The following STIM1 variants were observed in gnomAD, a reference collection of about 807,000 sequenced individuals.
STIM1 encodes the protein stromal interaction molecule 1.
STIM1 carries 25 observed loss-of-function variants against 74.7 expected under a neutral mutation model. The ratio of observed to expected loss-of-function variants is 0.33; its 90% confidence interval spans 0.24 to 0.47. STIM1 has a LOEUF of 0.47. Among genes scored for constraint, STIM1 ranks in the 20% least tolerant of loss-of-function variants. The pLI is 1.00. For synonymous variants in STIM1, 328 were observed against 348.8 expected, an observed-to-expected ratio of 0.94 and a Z score of 0.66; for missense variants, 728 against 920.8, an observed-to-expected ratio of 0.79 and a Z score of 2.71.
intron 5 of STIM1, among the ~76,000 whole-genome samples, chr11:4,067,299 C>G (rs1263614388): frequency 4.6e-5 from 7 of 152,140 alleles, no homozygotes; most frequent in Admixed American, 4.6e-4. Context: ...CTTGGTAGCA[C>G]AAGAATTTCT....
At chr11:3,901,575 G>A (rs1228947195) in intron 1 of STIM1, among the ~76,000 whole-genome samples, 1 of 151,460 alleles carries the variant, frequency 6.6e-6, no homozygotes, top group African/African-American at 2.5e-5. Flanking sequence ...AATCTCCTAA[G>A]TGTTTAACAT....
chr11:3,950,381 C>T (rs1160971511), intron 1 of STIM1, among the ~76,000 whole-genome samples: 4 of 152,192 alleles, frequency 2.6e-5, no homozygotes, highest in Admixed American at 6.5e-5. Flanking sequence ...ATCTGCCCGC[C>T]TCGGCCTCCC....
intron 3 of STIM1, among the ~76,000 whole-genome samples, chr11:4,037,543 C>T (rs2094114081): frequency 6.6e-6 from 1 of 152,054 alleles, no homozygotes; most frequent in Non-Finnish European, 1.5e-5. Flanking sequence ...ACTGCTTTAT[C>T]CTTCGTGGTA....
chr11:4,039,151 A>C (rs1251642131), intron 3 of STIM1, among the ~76,000 whole-genome samples: 2 of 152,136 alleles, frequency 1.3e-5, no homozygotes, highest in East Asian at 1.9e-4. Flanking sequence ...AAATTATAGA[A>C]AATGTTGGCT....
intron 1 of STIM1, among the ~76,000 whole-genome samples, chr11:3,966,081 C>T (rs140848693): frequency 1.8e-3 from 281 of 152,284 alleles, no homozygotes; most frequent in Non-Finnish European, 3.6e-3. Context: ...CCCATATTAT[C>T]ACCTGTGGCT....
chr11:4,070,810 G>A (rs1042916676), intron 6 of STIM1, among the ~76,000 whole-genome samples: 1 of 152,172 alleles, frequency 6.6e-6, no homozygotes, highest in African/African-American at 2.4e-5. Flanking sequence ...TCAAAACTAT[G>A]GCAGAAGATT....
At chr11:4,048,501 G>A (rs2094211687) in intron 3 of STIM1, among the ~76,000 whole-genome samples, 1 of 152,028 alleles carries the variant, frequency 6.6e-6, no homozygotes, top group African/African-American at 2.4e-5. Flanking sequence ...CAGCATATCT[G>A]TATTGCTGGG....
chr11:3,985,995 A>T (rs575687837), intron 2 of STIM1, among the ~76,000 whole-genome samples: 1 of 152,158 alleles, frequency 6.6e-6, no homozygotes, highest in Admixed American at 6.5e-5. Context: ...CCTCCTTTGA[A>T]ATCTTTCTTA....
chr11:3,858,574 C>T (rs748077290), intron 1 of STIM1, among the ~76,000 whole-genome samples: 17 of 152,086 alleles, frequency 1.1e-4, no homozygotes, highest in Non-Finnish European at 2.5e-4. Context: ...CAGTCAGGGA[C>T]TTGTTTTTGC....
At chr11:4,077,498 G>A (rs1351798611) in intron 7 of STIM1, among the ~76,000 whole-genome samples, 1 of 151,916 alleles carries the variant, frequency 6.6e-6, no homozygotes. Context: ...GCATCCATAA[G>A]GATATAAAAA....
At chr11:4,083,639 A>C in intron 10 of STIM1, 141 bp downstream of exon 10, 1 of 785,046 alleles carries the variant, frequency 1.3e-6, no homozygotes, top group Non-Finnish European at 2.1e-6. Context: ...TCAATAAAGC[A>C]CAATTTACTC....
In STIM1 at chr11:3,895,683, C is replaced by CT. The variant is rs1491307323; in HGVS notation, c.139+39276dup. 1.8e-4 allele frequency among the ~76,000 whole-genome samples: 7 copies of CT among 37,986 alleles called. 1 individual carries two copies. The highest frequency in any genetic ancestry group is 0.01 in the Middle Eastern group (1 of 96). 24.9% of individuals were successfully genotyped at this position (37,986 alleles called of 152,430 possible). A position where few individuals can be genotyped will look rare whatever the true frequency, so the allele number is the denominator to read the frequency against. On this transcript the variant is annotated intron_variant, in intron 1 of 12. Transcript: ENST00000526596. ...CTTTCTTTCTTTCTTTCCTTCCTTCCTTCTTTCTTTCTTTCTTTCTTTCTT... is the reference window on the plus strand; with the variant it reads ...CTTTCTTTCTTTCTTTCCTTCCTTCCTTTCTTTCTTTCTTTCTTTCTTTCTT...
intron 2 of STIM1, among the ~76,000 whole-genome samples, chr11:3,972,504 A>G (rs909310574): frequency 6.6e-6 from 1 of 152,162 alleles, no homozygotes; most frequent in African/African-American, 2.4e-5. Context: ...CGATCAAACT[A>G]TTACATTTAG....
At chr11:3,944,375 C>G (rs371888245) in intron 1 of STIM1, among the ~76,000 whole-genome samples, 11 of 152,248 alleles carry the variant, frequency 7.2e-5, no homozygotes, top group African/African-American at 2.4e-4. Flanking sequence ...CTGATTAACT[C>G]GCTGATTGAA....
chr11:4,079,099 G>A (rs1218379598), intron 7 of STIM1, among the ~76,000 whole-genome samples: 1 of 151,792 alleles, frequency 6.6e-6, no homozygotes, highest in East Asian at 1.9e-4. Flanking sequence ...AGATCATCCT[G>A]GCTAACACGG....
At chr11:3,947,001 G>A (rs762309708) in intron 1 of STIM1, among the ~76,000 whole-genome samples, 6 of 151,608 alleles carry the variant, frequency 4.0e-5, no homozygotes, top group Non-Finnish European at 8.8e-5. Flanking sequence ...CTTCTCTTTT[G>A]GGGGGGTCTT....
intron 2 of STIM1, among the ~76,000 whole-genome samples, chr11:4,013,173 G>A (rs958592307): frequency 1.3e-5 from 2 of 152,190 alleles, no homozygotes; most frequent in South Asian, 2.1e-4. Context: ...GGGGACACTG[G>A]CCTAAAATTC....
chr11:4,030,575 A>G (rs901044348), intron 3 of STIM1, among the ~76,000 whole-genome samples: 1 of 152,244 alleles, frequency 6.6e-6, no homozygotes, highest in African/African-American at 2.4e-5. Context: ...CATTTAGTTA[A>G]AAACCTCAGA....
intron 1 of STIM1, among the ~76,000 whole-genome samples, chr11:3,879,758 TTTTTTCCTTACCA>T (rs1193281590): frequency 6.6e-6 from 1 of 152,210 alleles, no homozygotes; most frequent in Non-Finnish European, 1.5e-5. Flanking sequence ...CTACATTTGT[TTTTTTCCTTACCA>T]TTTCCCCTCT....
Sources: gnomAD v4.1 joint callset for allele counts (sites outside exome capture counted in the v4.1 genomes callset) on GRCh38, gnomAD v4.1.1 for gene constraint, MANE v1.5 for transcripts, NCBI Gene and HGNC (gene_info 2026-07-23, HGNC 2026-07-21) for gene names.